DDX60L: variants seen among roughly 807,000 people sequenced by gnomAD.
DDX60L encodes the protein probable ATP-dependent RNA helicase DDX60-like.
DDX60L carries 191 observed loss-of-function variants against 211.6 expected under a neutral mutation model. The observed-to-expected ratio is 0.90, with a 90% CI of 0.80 to 1.02. The LOEUF is 1.02. Among genes scored for constraint, DDX60L ranks in the 50% least tolerant of loss-of-function variants. DDX60L has a pLI of 0.00. For missense variants in DDX60L, 2,007 were observed against 1,984.1 expected (o/e 1.01, Z -0.22); for synonymous variants, 706 against 694.1 (o/e 1.02, Z -0.27).
In DDX60L at chr4:168,384,734, T is replaced by C. The variant is rs768047991; in HGVS notation, c.3994A>G (p.Lys1332Glu). The change falls in exon 30 of 38, where the codon AAA becomes GAA. Residue 1332 changes from lysine (K) to glutamate (E), a missense_variant. Coordinates refer to ENST00000682922, the MANE Select transcript of DDX60L (RefSeq NM_001012967.3). ...YFFDIPLPKI[K>E]RLLASSVPEL... ...GGAACACTGGATGCAAGGAGTCTTTTTATTTTGGGCAATGGGATATCAAAG... is the reference window on the plus strand; with the variant it reads ...GGAACACTGGATGCAAGGAGTCTTTCTATTTTGGGCAATGGGATATCAAAG... The C allele has an allele frequency of 1.5e-5, 25 of 1,613,674 alleles. No homozygotes were observed. The highest frequency in any genetic ancestry group is 5.1e-6 in the Non-Finnish European group (6 of 1,179,898).
chr4:168,473,252 T>C (rs1759043652), intron 1 of DDX60L, among the ~76,000 whole-genome samples: 1 of 152,222 alleles, frequency 6.6e-6, no homozygotes. Context: ...GTGTTTCGTC[T>C]TCATCTTCAG....
intron 7 of DDX60L, 111 bp downstream of exon 7, chr4:168,455,928 G>A (rs1350902931): frequency 5.6e-6 from 4 of 709,240 alleles, no homozygotes; most frequent in Non-Finnish European, 6.7e-6. Context: ...ATGGCGGTCA[G>A]AAACCAAGAG....
intron 1 of DDX60L, among the ~76,000 whole-genome samples, chr4:168,474,525 T>C (rs902056228): frequency 4.5e-4 from 68 of 152,158 alleles, no homozygotes; most frequent in African/African-American, 1.4e-3. Context: ...AGAATTTTCA[T>C]ACAGAATCAA....
Position 168,384,698 on chromosome 4 carries a change from C to T in DDX60L, c.4030G>A (p.Gly1344Arg). ...AGGGTTATGCTGAGAGGGAACTGTC[C>T]TCTCAGCTCAGGAACACTGGATGCA... ...LLASSVPELR[G>R]QFPLSITLVL... The change falls in exon 30 of 38, where the codon GGA (glycine) becomes AGA (arginine). Residue 1344 changes from glycine to arginine, a missense_variant. Gly to Arg is a moderately radical substitution (Grantham distance 125). Transcript: ENST00000682922. 1.9e-6 allele frequency: 3 copies of T among 1,613,896 alleles called. No homozygotes were observed. The highest frequency in any genetic ancestry group is 2.5e-6 in the Non-Finnish European group (3 of 1,179,946).
At chr4:168,430,200 A>T (rs1219584294) in intron 13 of DDX60L, among the ~76,000 whole-genome samples, 1 of 152,172 alleles carries the variant, frequency 6.6e-6, no homozygotes, top group Non-Finnish European at 1.5e-5. Flanking sequence ...ACTCCATCTC[A>T]GAAAAGAAAA....
At chr4:168,444,382 TC>T (rs1395326581) in intron 9 of DDX60L, among the ~76,000 whole-genome samples, 1 of 100,658 alleles carries the variant, frequency 9.9e-6, no homozygotes, top group African/African-American at 3.9e-5. Context: ...ATAAAGCAAG[TC>T]CTGAGTGACC....
At chr4:168,377,619 C>T (rs1421684965) in intron 33 of DDX60L, 1 of 151,990 alleles carries the variant, frequency 6.6e-6, no homozygotes, top group African/African-American at 2.4e-5. Context: ...TTAACAGTTC[C>T]AGTGGTTTGC....
intron 14 of DDX60L, among the ~76,000 whole-genome samples, chr4:168,424,012 A>T (rs557818817): frequency 4.1e-4 from 63 of 152,232 alleles, no homozygotes; most frequent in Non-Finnish European, 7.9e-4. Context: ...GGGTAAGTAT[A>T]GGCAAAAAAG....
At chr4:168,377,443 T>G (rs935916031) in intron 33 of DDX60L, among the ~76,000 whole-genome samples, 2 of 152,148 alleles carry the variant, frequency 1.3e-5, no homozygotes, top group East Asian at 3.8e-4. Context: ...AATCTCTTTT[T>G]GTAGCAAAGA....
At chr4:168,459,487 C>T (rs936882404) in intron 5 of DDX60L, among the ~76,000 whole-genome samples, 2 of 152,132 alleles carry the variant, frequency 1.3e-5, no homozygotes, top group Non-Finnish European at 2.9e-5. Flanking sequence ...CACAGTGGCT[C>T]ACGCCTGCAA....
chr4:168,406,119 A>C, intron 23 of DDX60L, 41 bp from the exon 24 acceptor site: 2 of 1,555,674 alleles, frequency 1.3e-6, no homozygotes, highest in South Asian at 2.4e-5. Flanking sequence ...TAAGCTATGC[A>C]ATCTATAGTA....
chr4:168,372,969 A>G (rs1390822630), intron 35 of DDX60L, among the ~76,000 whole-genome samples: 2 of 152,214 alleles, frequency 1.3e-5, no homozygotes, highest in Non-Finnish European at 2.9e-5. Flanking sequence ...AATATTTATA[A>G]TGAACCTGAA....
chr4:168,458,469 A>T (rs1756880619), intron 5 of DDX60L, among the ~76,000 whole-genome samples: 3 of 152,336 alleles, frequency 2.0e-5, no homozygotes, highest in Admixed American at 2.0e-4. Flanking sequence ...AATACTATGC[A>T]GCTGTGAAAA....
chr4:168,448,890 A>C lies in DDX60L; in HGVS notation c.997-111T>G, dbSNP rs1755231416. On this transcript the variant is annotated intron_variant, in intron 8 of 37. Coordinates refer to ENST00000682922, the MANE Select transcript of DDX60L (RefSeq NM_001012967.3). Reference sequence around the variant, plus strand: ...AGGGACATTTCTGGGTGGAATGATAAAGTCATTACAATCACAAATATTACA... The same window carrying C: ...AGGGACATTTCTGGGTGGAATGATACAGTCATTACAATCACAAATATTACA... The C allele has an allele frequency of 6.7e-6, 6 of 898,978 alleles. No individual in the cohort carries two copies. In the Admixed American group the frequency reaches 1.7e-4, roughly 26 times the overall value. The allele number at this position is 898,978 out of a possible 1,614,324, so 55.7% of individuals were successfully genotyped here.
chr4:168,379,256 G>A (rs1742497828), intron 32 of DDX60L, 107 bp downstream of exon 32: 2 of 1,011,122 alleles, frequency 2.0e-6, no homozygotes, highest in Non-Finnish European at 2.8e-6. Context: ...GTATTTATTT[G>A]CTTTAATAAA....
At chr4:168,461,553 A>G in intron 5 of DDX60L, 146 bp downstream of exon 5, 1 of 614,238 alleles carries the variant, frequency 1.6e-6, no homozygotes, top group East Asian at 2.9e-5. Flanking sequence ...GTCCATCATT[A>G]TCATTGTTAC....
In DDX60L at chr4:168,432,555, A is replaced by G. The variant is rs755010900; in HGVS notation, c.1416T>C (p.Val472=). ...ATGTCTTTTGTTTAAACAGTGAAGG[A>G]ACAACCGGATCATCACTGTAAAAAT... ...LPILKSDDPV[V]PSLFKQKTSD... Residue 472 remains valine, a synonymous_variant, in exon 12 of 38, where the codon GTT becomes GTC. Coordinates refer to ENST00000682922, the MANE Select transcript of DDX60L (RefSeq NM_001012967.3). 53 of 1,577,722 alleles carry G rather than the reference A, an allele frequency of 3.4e-5. No individual in the cohort carries two copies. In the East Asian group the frequency reaches 1.2e-3, roughly 36 times the overall value.
At chr4:168,445,468 C>T (rs1190724081) in intron 9 of DDX60L, among the ~76,000 whole-genome samples, 1 of 152,038 alleles carries the variant, frequency 6.6e-6, no homozygotes, top group African/African-American at 2.4e-5. Context: ...GAACTGGTAC[C>T]ATTCCTTCTG....
In DDX60L at chr4:168,461,685, T is replaced by G; in HGVS notation, c.606+14A>C. 2 of 1,480,972 alleles carry G rather than the reference T, an allele frequency of 1.4e-6. No homozygotes were observed. The highest frequency in any genetic ancestry group is 1.8e-6 in the Non-Finnish European group (2 of 1,109,840). 91.7% of individuals were successfully genotyped at this position (1,480,972 alleles called of 1,614,324 possible). A position where few individuals can be genotyped will look rare whatever the true frequency, so the allele number is the denominator to read the frequency against. On this transcript the variant is annotated intron_variant, in intron 5 of 37. Coordinates refer to ENST00000682922, the MANE Select transcript of DDX60L (RefSeq NM_001012967.3). ...AAGAAATCAGGAAAAAAATGAGTTATTAATGTCAATTACCTCCTTGGAAAA... is the reference window on the plus strand; with the variant it reads ...AAGAAATCAGGAAAAAAATGAGTTAGTAATGTCAATTACCTCCTTGGAAAA...
Sources: gnomAD v4.1 joint callset for allele counts (sites outside exome capture counted in the v4.1 genomes callset) on GRCh38, gnomAD v4.1.1 for gene constraint, MANE v1.5 for transcripts, NCBI Gene and HGNC (gene_info 2026-07-23, HGNC 2026-07-21) for gene names.